Variants in AGAP1 observed in about 807,000 individuals in gnomAD.
AGAP1 encodes arf-GAP with GTPase, ANK repeat and PH domain-containing protein 1.
Under a neutral mutation model 105.3 loss-of-function variants are expected in AGAP1, and 29 were observed. That is an observed-to-expected ratio of 0.28 (90% confidence interval 0.21 to 0.38). The LOEUF (loss-of-function observed/expected upper bound fraction) is 0.38, where lower values mean the gene tolerates loss of function less well. AGAP1 is among the 10% of genes least tolerant of loss of function. The pLI is 1.00. For synonymous variants in AGAP1, 509 were observed against 485.9 expected, an observed-to-expected ratio of 1.05 and a Z score of -0.63; for missense variants, 998 against 1,165.1, an observed-to-expected ratio of 0.86 and a Z score of 2.09.
chr2:235,496,589 C>T (rs1941328720), intron 1 of AGAP1, among the ~76,000 whole-genome samples: 1 of 152,214 alleles, frequency 6.6e-6, no homozygotes, highest in Admixed American at 6.5e-5. Flanking sequence ...GTATTGAAGG[C>T]ACCTGGCTGA....
Position 236,126,284 on chromosome 2 carries a change from T to C in AGAP1, c.*2162T>C, listed in dbSNP as rs1342725225. 1 of 152,092 alleles carries C rather than the reference T, an allele frequency of 6.6e-6. No individual in the cohort carries two copies. Among genetic ancestry groups the C allele is most frequent in the East Asian group, 1.9e-4 (1 of 5,186 alleles). The allele number at this position is 152,092 out of a possible 1,614,324, so 9.4% of individuals were successfully genotyped here. A position where few individuals can be genotyped will look rare whatever the true frequency, so the allele number is the denominator to read the frequency against. On this transcript the variant is annotated 3_prime_UTR_variant, in exon 18 of 18. Coordinates refer to ENST00000304032, the MANE Select transcript of AGAP1 (RefSeq NM_001037131.3). ...GTAAATGTGAATAGAAAAAAACAGG[T>C]CATTGCCTATTTTTGAAGAACGCGT... is the stretch of plus-strand genomic sequence containing the variant.
chr2:235,839,642 T>C (rs942987329), intron 9 of AGAP1, among the ~76,000 whole-genome samples: 1 of 152,142 alleles, frequency 6.6e-6, no homozygotes, highest in Non-Finnish European at 1.5e-5. Context: ...GAAGGGGCTT[T>C]CCTGGGGAGG....
chr2:235,890,527 A>G (rs967313583), intron 10 of AGAP1, among the ~76,000 whole-genome samples: 2 of 152,198 alleles, frequency 1.3e-5, no homozygotes, highest in Non-Finnish European at 2.9e-5. Context: ...GAATGAACCT[A>G]CAGCGTCCAC....
intron 9 of AGAP1, among the ~76,000 whole-genome samples, chr2:235,847,273 A>T (rs954097015): frequency 5.3e-5 from 8 of 152,234 alleles, no homozygotes; most frequent in African/African-American, 1.9e-4. Flanking sequence ...ACTGGGACTG[A>T]AAAACGGCCA....
chr2:235,670,393 C>T (rs1427598776), intron 1 of AGAP1: 5 of 565,722 alleles, frequency 8.8e-6, no homozygotes, highest in African/African-American at 2.0e-5. Flanking sequence ...TCCGCACCCG[C>T]AGCACCGGGC....
intron 6 of AGAP1, among the ~76,000 whole-genome samples, chr2:235,795,148 A>G (rs1957185470): frequency 1.3e-5 from 2 of 152,250 alleles, no homozygotes; most frequent in South Asian, 4.2e-4. Context: ...CCACTCACAT[A>G]GACACACCAA....
chr2:235,602,711 CT>C (rs60766675), intron 1 of AGAP1, among the ~76,000 whole-genome samples: 63,830 of 151,706 alleles, frequency 0.42, 15,700 homozygotes, highest in African/African-American at 0.7. Context: ...ATTTCTTTTT[CT>C]TTTTTTTGAG....
intron 1 of AGAP1, among the ~76,000 whole-genome samples, chr2:235,694,478 CAAAAAAAA>C (rs1055692749): frequency 1.4e-5 from 1 of 73,664 alleles, no homozygotes; most frequent in Non-Finnish European, 2.8e-5. Flanking sequence ...GACTCTGTCT[CAAAAAAAA>C]AAAAAAAAAA....
intron 13 of AGAP1, among the ~76,000 whole-genome samples, chr2:235,986,348 T>A (rs1356735282): frequency 6.6e-6 from 1 of 152,178 alleles, no homozygotes; most frequent in Non-Finnish European, 1.5e-5. Flanking sequence ...CTGAAGTTGC[T>A]TATCAGTTCA....
At chr2:236,048,094 C>G (rs1032235990) in intron 15 of AGAP1, among the ~76,000 whole-genome samples, 1 of 152,210 alleles carries the variant, frequency 6.6e-6, no homozygotes, top group Admixed American at 6.5e-5. Context: ...TTTGTTGACT[C>G]TTCAGGTGTG....
chr2:235,658,577 C>G (rs962161269), intron 1 of AGAP1, among the ~76,000 whole-genome samples: 2 of 152,134 alleles, frequency 1.3e-5, no homozygotes, highest in Middle Eastern at 3.4e-3. Flanking sequence ...GGGCACGTGC[C>G]CAGCAGGGGT....
At chr2:236,079,147 GCA>G (rs969077831) in intron 16 of AGAP1, among the ~76,000 whole-genome samples, 11 of 152,244 alleles carry the variant, frequency 7.2e-5, no homozygotes, top group Admixed American at 2.0e-4. Flanking sequence ...TATGTGCCAG[GCA>G]CTGTACTAGC....
chr2:235,535,979 C>T lies in AGAP1; in HGVS notation c.163+41130C>T, dbSNP rs1024916743. On this transcript the variant is annotated intron_variant, in intron 1 of 17. Transcript: ENST00000304032. This position sits in a 1 kb window ranked among gnomAD's most constrained non-coding sequence, Gnocchi z 5.1. ...CATCTGCTTCCTGCTCTCCCAGAGC[C>T]GGCCTCACCTTCGAGACTCATGCTA... Among the ~76,000 whole-genome samples, 15 of 152,040 alleles carry T rather than the reference C, an allele frequency of 9.9e-5. No homozygotes were observed. Among genetic ancestry groups the T allele is most frequent in the Non-Finnish European group, 1.9e-4 (13 of 68,026 alleles).
intron 1 of AGAP1, among the ~76,000 whole-genome samples, chr2:235,511,939 T>C (rs1179123192): frequency 6.6e-6 from 1 of 151,382 alleles, no homozygotes; most frequent in East Asian, 2.0e-4. Flanking sequence ...TGAATGTGTA[T>C]GTGTGGGTGT....
chr2:235,560,785 T>C (rs1239333614), intron 1 of AGAP1, among the ~76,000 whole-genome samples: 2 of 152,104 alleles, frequency 1.3e-5, no homozygotes, highest in Non-Finnish European at 2.9e-5. Context: ...TGTCAGACAG[T>C]GAAATCACGT....
intron 16 of AGAP1, among the ~76,000 whole-genome samples, chr2:236,093,196 C>A (rs1406998959): frequency 1.3e-5 from 2 of 152,150 alleles, no homozygotes; most frequent in South Asian, 4.1e-4. Flanking sequence ...GAAGCTGCAC[C>A]CCTGGGGGAG....
At chr2:235,913,551 G>A (rs954339068) in intron 11 of AGAP1, among the ~76,000 whole-genome samples, 1 of 152,100 alleles carries the variant, frequency 6.6e-6, no homozygotes, top group Admixed American at 6.5e-5. Flanking sequence ...CCGAGACCTG[G>A]TGTCCCTGCA....
chr2:235,605,283 AT>A (rs1945889906), intron 1 of AGAP1, among the ~76,000 whole-genome samples: 1 of 152,160 alleles, frequency 6.6e-6, no homozygotes, highest in South Asian at 2.1e-4. Flanking sequence ...GCTGTTTTGC[AT>A]TTCACGCCCC....
rs561295599 is a variant in AGAP1, at chr2:236,123,450, C to A, written c.2371-469C>A. Reference sequence around the variant, plus strand: ...TGTACAGTCTTATCTCAATTATGTACATATACATGTAGATTCAAAGAAAAC... The same window carrying A: ...TGTACAGTCTTATCTCAATTATGTAAATATACATGTAGATTCAAAGAAAAC... On this transcript the variant is annotated intron_variant, in intron 17 of 17. Transcript: ENST00000304032. The surrounding 1 kb of genome is among the most constrained non-coding windows in gnomAD (Gnocchi z 4.6). Among the ~76,000 whole-genome samples, 1 of 152,100 alleles carries A rather than the reference C, an allele frequency of 6.6e-6. No individual in the cohort carries two copies. The highest frequency in any genetic ancestry group is 1.5e-5 in the Non-Finnish European group (1 of 68,036).
Sources: gnomAD v4.1 joint callset for allele counts (sites outside exome capture counted in the v4.1 genomes callset) on GRCh38, gnomAD v4.1.1 for gene constraint, Gnocchi (gnomAD v3.1) non-coding constraint, MANE v1.5 for transcripts, NCBI Gene and HGNC (gene_info 2026-07-23, HGNC 2026-07-21) for gene names.